The following GABRB1 variants were observed in gnomAD, a reference collection of about 807,000 sequenced individuals.
GABRB1 encodes gamma-aminobutyric acid type A receptor subunit beta1.
A neutral mutation model predicts 51.6 loss-of-function variants in GABRB1; 17 were observed. The observed-to-expected ratio is 0.33, with a 90% CI of 0.23 to 0.49. The LOEUF (loss-of-function observed/expected upper bound fraction) is 0.49. GABRB1 is among the 20% of genes least tolerant of loss of function. GABRB1 has a pLI of 0.99. For missense variants in GABRB1, 410 were observed against 600.6 expected (o/e 0.68, Z 3.32); for synonymous variants, 247 against 218.9 (o/e 1.13, Z -1.14).
intron 3 of GABRB1, among the ~76,000 whole-genome samples, chr4:47,063,635 A>C (rs2109531740): frequency 6.6e-6 from 1 of 152,312 alleles, no homozygotes; most frequent in South Asian, 2.1e-4. Context: ...AACAGCAGAA[A>C]ATAACCAATT....
At chr4:47,289,577 T>C (rs757560797) in intron 4 of GABRB1, among the ~76,000 whole-genome samples, 1 of 152,196 alleles carries the variant, frequency 6.6e-6, no homozygotes, top group Non-Finnish European at 1.5e-5. Flanking sequence ...CTGCTCACCA[T>C]GGCAAATTGG....
intron 3 of GABRB1, among the ~76,000 whole-genome samples, chr4:47,116,563 T>C (rs756169286): frequency 2.0e-4 from 31 of 152,212 alleles, no homozygotes; most frequent in Non-Finnish European, 2.4e-4. Context: ...TTGGAACATA[T>C]AGTGGTAAAT....
At chr4:47,109,039 T>A (rs1232558269) in intron 3 of GABRB1, among the ~76,000 whole-genome samples, 1 of 152,094 alleles carries the variant, frequency 6.6e-6, no homozygotes, top group African/African-American at 2.4e-5. Context: ...TGCAATAACA[T>A]GTGAAAGTTA....
chr4:47,171,398 C>T (rs1428904563), intron 4 of GABRB1, among the ~76,000 whole-genome samples: 1 of 151,954 alleles, frequency 6.6e-6, no homozygotes, highest in African/African-American at 2.4e-5. Context: ...GAAATGACAC[C>T]ACTTCTTGAG....
At chr4:47,095,546 C>T (rs1156898421) in intron 3 of GABRB1, among the ~76,000 whole-genome samples, 1 of 152,164 alleles carries the variant, frequency 6.6e-6, no homozygotes, top group African/African-American at 2.4e-5. Context: ...TACCTACAGC[C>T]TTGGTGAGGC....
chr4:47,217,699 CTCT>C (rs1440967395), intron 4 of GABRB1, among the ~76,000 whole-genome samples: 2 of 151,284 alleles, frequency 1.3e-5, no homozygotes, highest in Admixed American at 6.6e-5. Context: ...TTTTCTTTCT[CTCT>C]TTTTTATTAA....
At chr4:47,212,869 A>C (rs898002091) in intron 4 of GABRB1, among the ~76,000 whole-genome samples, 10 of 152,200 alleles carry the variant, frequency 6.6e-5, no homozygotes, top group African/African-American at 2.4e-4. Flanking sequence ...CTGAACCTGC[A>C]GTGGCAAAAG....
In GABRB1 at chr4:47,053,106, T is replaced by C. The variant is rs143658431; in HGVS notation, c.240+20622T>C. On this transcript the variant is annotated intron_variant, in intron 3 of 8. Transcript: ENST00000295454. ...GCATTAGGTAAAGGGAGAGGTGACA[T>C]GGTGAAGCTGAATCAAGATGTCATT... Among the ~76,000 whole-genome samples, 742 of 152,242 alleles carry C rather than the reference T, an allele frequency of 4.9e-3. 5 individuals carry two copies. The highest frequency in any genetic ancestry group is 0.01 in the Middle Eastern group (3 of 294).
intron 3 of GABRB1, among the ~76,000 whole-genome samples, chr4:47,122,855 A>C (rs1041932960): frequency 6.6e-6 from 1 of 152,202 alleles, no homozygotes; most frequent in Non-Finnish European, 1.5e-5. Flanking sequence ...CTAGCCTTGA[A>C]GCCTTCCTCT....
chr4:47,008,061 A>G (rs959100729), intron 1 of GABRB1, among the ~76,000 whole-genome samples: 1 of 151,968 alleles, frequency 6.6e-6, no homozygotes, highest in Non-Finnish European at 1.5e-5. Flanking sequence ...TTGAACTGGA[A>G]TAGTGGCAGT....
In GABRB1 at chr4:47,034,751, T is replaced by C. The variant is rs372044943; in HGVS notation, c.240+2267T>C. ...CAAGAAAAATGGAAATAAAGAGTAATGTTTTTAAAATTGAGGGTTCTGTAT... is the reference window on the plus strand; with the variant it reads ...CAAGAAAAATGGAAATAAAGAGTAACGTTTTTAAAATTGAGGGTTCTGTAT... On this transcript the variant is annotated intron_variant, in intron 3 of 8. Coordinates refer to ENST00000295454, the MANE Select transcript of GABRB1 (RefSeq NM_000812.4). 2.4e-4 allele frequency among the ~76,000 whole-genome samples: 37 copies of C among 152,230 alleles called. 1 individual carries two copies. Among genetic ancestry groups the C allele is most frequent in the African/African-American group, 8.9e-4 (37 of 41,554 alleles).
chr4:47,077,962 A>G lies in GABRB1; in HGVS notation c.240+45478A>G, dbSNP rs1387084894. On this transcript the variant is annotated intron_variant, in intron 3 of 8. Coordinates refer to ENST00000295454, the MANE Select transcript of GABRB1 (RefSeq NM_000812.4). ...ATTTTATATATATTATATATTTTAT[A>G]TATATATTTTATATATAATATATAA... Among the ~76,000 whole-genome samples the G allele has an allele frequency of 1.4e-4, 15 of 109,100 alleles. No individual in the cohort carries two copies. The Admixed American group carries it at 1.4e-3, about 10-fold the overall frequency. The allele number at this position is 109,100 out of a possible 152,430, so 71.6% of individuals were successfully genotyped here.
intron 5 of GABRB1, among the ~76,000 whole-genome samples, chr4:47,345,931 G>T (rs149621592): frequency 2.7e-3 from 414 of 152,016 alleles, no homozygotes; most frequent in African/African-American, 8.8e-3. Context: ...GACCAGACAT[G>T]CCAACAGCAG....
intron 4 of GABRB1, among the ~76,000 whole-genome samples, chr4:47,251,816 G>A (rs546275616): frequency 3.3e-5 from 5 of 152,078 alleles, no homozygotes; most frequent in Non-Finnish European, 7.4e-5. Context: ...GCAAACTGAA[G>A]GGCATGTCTC....
intron 5 of GABRB1, among the ~76,000 whole-genome samples, chr4:47,363,082 T>A (rs78270874): frequency 0.047 from 7,174 of 152,112 alleles, 264 homozygotes; most frequent in South Asian, 0.15. Flanking sequence ...TGGAATATTT[T>A]ATGGAGATGA....
rs138418643 is a variant in GABRB1, at chr4:47,309,840, A to G, written c.462-10287A>G. On this transcript the variant is annotated intron_variant, in intron 4 of 8. Coordinates refer to ENST00000295454, the MANE Select transcript of GABRB1 (RefSeq NM_000812.4). ...TTTCCAGATGTTTTAATATGGCCAC[A>G]TGTTACTCTGATAATGTATTTGTAA... 2.0e-4 allele frequency among the ~76,000 whole-genome samples: 30 copies of G among 152,266 alleles called. No homozygotes were observed. In the East Asian group the frequency reaches 5.6e-3, roughly 28 times the overall value.
At chr4:47,086,752 A>G (rs991887326) in intron 3 of GABRB1, among the ~76,000 whole-genome samples, 3 of 152,124 alleles carry the variant, frequency 2.0e-5, no homozygotes, top group South Asian at 2.1e-4. Flanking sequence ...TTGGAGCCCA[A>G]AAGCATGTCT....
chr4:47,124,305 G>C (rs1716011394), intron 3 of GABRB1, among the ~76,000 whole-genome samples: 1 of 152,040 alleles, frequency 6.6e-6, no homozygotes. Context: ...TGCGTGACCT[G>C]ATTTCAGACC....
chr4:47,106,193 T>A (rs917797897), intron 3 of GABRB1, among the ~76,000 whole-genome samples: 13 of 152,246 alleles, frequency 8.5e-5, no homozygotes, highest in Admixed American at 6.6e-4. Context: ...TTTAAAATAC[T>A]TCTGTTTTTA....
Sources: gnomAD v4.1 joint callset for allele counts (sites outside exome capture counted in the v4.1 genomes callset) on GRCh38, gnomAD v4.1.1 for gene constraint, MANE v1.5 for transcripts, NCBI Gene and HGNC (gene_info 2026-07-23, HGNC 2026-07-21) for gene names.